The following WWOX variants were observed in gnomAD, a reference collection of about 807,000 sequenced individuals.
The protein encoded by WWOX is WW domain-containing oxidoreductase.
WWOX carries 69 observed loss-of-function variants against 46.2 expected under a neutral mutation model. That is an observed-to-expected ratio of 1.49 (90% CI 1.23 to 1.82). The LOEUF is 1.82. Among genes scored for constraint, WWOX ranks in the 40% most tolerant of loss-of-function variants. The pLI, the probability that WWOX is intolerant of heterozygous loss-of-function variation, is 0.00. For missense variants in WWOX, 919 were observed against 542.6 expected, an observed-to-expected ratio of 1.69 and a Z score of -6.89; for synonymous variants, 359 against 202.6, an observed-to-expected ratio of 1.77 and a Z score of -6.56.
intron 8 of WWOX, among the ~76,000 whole-genome samples, chr16:79,098,583 C>A (rs529464355): frequency 7.9e-5 from 12 of 152,326 alleles, no homozygotes; most frequent in African/African-American, 2.9e-4. Flanking sequence ...GAGCAAACTT[C>A]CCTTGTAATC....
chr16:78,869,654 G>A (rs1306997792), intron 8 of WWOX, among the ~76,000 whole-genome samples: 2 of 152,198 alleles, frequency 1.3e-5, no homozygotes, highest in East Asian at 1.9e-4. Flanking sequence ...CGGTATTTTT[G>A]TGGACGTGGG....
intron 8 of WWOX, among the ~76,000 whole-genome samples, chr16:78,970,915 C>CTA (rs955573105): frequency 1.3e-5 from 2 of 152,090 alleles, no homozygotes; most frequent in African/African-American, 4.8e-5. Flanking sequence ...CTGTCTTTTG[C>CTA]TATGGTGGTC....
chr16:78,726,780 G>C (rs1173344554), intron 8 of WWOX, among the ~76,000 whole-genome samples: 1 of 151,832 alleles, frequency 6.6e-6, no homozygotes, highest in African/African-American at 2.4e-5. Context: ...GGTGAGAGTT[G>C]CATGGGGCAA....
At chr16:78,969,269 C>CTTTTTTT (rs71384387) in intron 8 of WWOX, among the ~76,000 whole-genome samples, 1 of 142,594 alleles carries the variant, frequency 7.0e-6, no homozygotes. Flanking sequence ...CTCTCTCTCT[C>CTTTTTTT]TTTTTTTTTT....
chr16:79,205,949 A>G (rs961663223), intron 8 of WWOX: 1 of 152,106 alleles, frequency 6.6e-6, no homozygotes, highest in African/African-American at 2.4e-5. Context: ...AAAAAATTCT[A>G]TCATCAAAGA....
At chr16:78,331,984 G>C (rs2080767746) in intron 5 of WWOX, among the ~76,000 whole-genome samples, 1 of 152,154 alleles carries the variant, frequency 6.6e-6, no homozygotes, top group African/African-American at 2.4e-5. Context: ...GTGTCCTCAA[G>C]CAGTACATCA....
At chr16:78,552,717 A>C (rs2044203283) in intron 8 of WWOX, 1 of 152,204 alleles carries the variant, frequency 6.6e-6, no homozygotes, top group African/African-American at 2.4e-5. Context: ...ATTTTAAGTA[A>C]CTTATCATTT....
chr16:78,306,252 A>T (rs1341823505), intron 5 of WWOX, among the ~76,000 whole-genome samples: 1 of 152,244 alleles, frequency 6.6e-6, no homozygotes, highest in Non-Finnish European at 1.5e-5. Context: ...GAATAATAAC[A>T]TTCATGATAC....
Sources: gnomAD v4.1 joint callset for allele counts (sites outside exome capture counted in the v4.1 genomes callset) on GRCh38, gnomAD v4.1.1 for gene constraint, MANE v1.5 for transcripts, NCBI Gene and HGNC (gene_info 2026-07-23, HGNC 2026-07-21) for gene names.